The following SLC17A8 variants were observed in gnomAD, a reference collection of about 807,000 sequenced individuals.
The protein encoded by SLC17A8 is vesicular glutamate transporter 3.
In SLC17A8, 31 loss-of-function variants were observed where a neutral mutation model predicts 58.0. The ratio of observed to expected loss-of-function variants is 0.53; its 90% CI spans 0.40 to 0.72. The LOEUF (loss-of-function observed/expected upper bound fraction) is 0.72. SLC17A8 is among the 30% of genes least tolerant of loss of function. SLC17A8 has a pLI of 0.00. For missense variants in SLC17A8, 655 were observed against 727.8 expected, an observed-to-expected ratio of 0.90 and a Z score of 1.15; for synonymous variants, 228 against 249.0, an observed-to-expected ratio of 0.92 and a Z score of 0.79.
chr12:100,391,036 C>T lies in SLC17A8; in HGVS notation c.390C>T (p.Gly130=). The part of the protein sequence containing the change: ...AQFNWDPETV[G]LIHGSFFWGY... ...TTAACTGGGATCCAGAAACAGTGGGCCTTATCCATGGATCTTTTTTCTGGG... is the reference window on the plus strand; with the variant it reads ...TTAACTGGGATCCAGAAACAGTGGGTCTTATCCATGGATCTTTTTTCTGGG... Residue 130 remains glycine, a synonymous_variant, in exon 3 of 12, where the codon GGC becomes GGT. Coordinates refer to ENST00000323346, the MANE Select transcript of SLC17A8 (RefSeq NM_139319.3). 1 of 1,613,600 alleles carries T rather than the reference C, an allele frequency of 6.2e-7. No homozygotes were observed. The highest frequency in any genetic ancestry group is 8.5e-7 in the Non-Finnish European group (1 of 1,179,580).
At chr12:100,387,409 T>C (rs901509337) in intron 2 of SLC17A8, among the ~76,000 whole-genome samples, 1 of 152,220 alleles carries the variant, frequency 6.6e-6, no homozygotes, top group Non-Finnish European at 1.5e-5. Flanking sequence ...TTTGGAGAAA[T>C]GTCTATTCAA....
intron 5 of SLC17A8, among the ~76,000 whole-genome samples, chr12:100,400,998 C>CTTTTTTTT: frequency 8.8e-6 from 1 of 113,074 alleles, no homozygotes; most frequent in Non-Finnish European, 1.8e-5. Context: ...CACCCCTCAC[C>CTTTTTTTT]TTTTTTTTTT....
At chr12:100,415,728 C>G (rs35811428) in intron 10 of SLC17A8, among the ~76,000 whole-genome samples, 59,620 of 152,178 alleles carry the variant, frequency 0.39, 12,741 homozygotes, top group Non-Finnish European at 0.47. Flanking sequence ...CCACACCTGG[C>G]CTTCTTGCCA....
At chr12:100,392,263 C>T (rs1952722147) in intron 3 of SLC17A8, among the ~76,000 whole-genome samples, 1 of 151,412 alleles carries the variant, frequency 6.6e-6, no homozygotes, top group Non-Finnish European at 1.5e-5. Context: ...AATGATTTAC[C>T]AATGAGCATT....
At chr12:100,417,992 TC>T (rs1230050291) in intron 10 of SLC17A8, 36 bp from the exon 11 acceptor site, 8 of 1,613,906 alleles carry the variant, frequency 5.0e-6, no homozygotes, top group Non-Finnish European at 6.8e-6. Flanking sequence ...GAAATTCTGT[TC>T]TTGACTCTGA....
At chr12:100,370,824 A>C (rs1417585688) in intron 1 of SLC17A8, among the ~76,000 whole-genome samples, 1 of 151,940 alleles carries the variant, frequency 6.6e-6, no homozygotes, top group Non-Finnish European at 1.5e-5. Context: ...AAATGGGGGG[A>C]TAGGAAAGGG....
At chr12:100,357,972 T>C (rs962673835) in intron 1 of SLC17A8, among the ~76,000 whole-genome samples, 2 of 152,200 alleles carry the variant, frequency 1.3e-5, no homozygotes, top group African/African-American at 4.8e-5. Flanking sequence ...AAGAGAAGGA[T>C]AGTTACACAT....
At chr12:100,357,995 A>G (rs10860583) in intron 1 of SLC17A8, among the ~76,000 whole-genome samples, 35,580 of 152,130 alleles carry the variant, frequency 0.23, 4,737 homozygotes, top group African/African-American at 0.36. Context: ...ATTTGAAGGA[A>G]GTAACTTAAA....
rs60474852 is a variant in SLC17A8, at chr12:100,386,692, CT to C, written c.355-4295del. Reference sequence around the variant, plus strand: ...TCCATTGGTGTGTATACCACATTTCCTTTTTTTTTTTTTTGAGATGGGGTCT... The same window carrying C: ...TCCATTGGTGTGTATACCACATTTCCTTTTTTTTTTTTTGAGATGGGGTCT... On this transcript the variant is annotated intron_variant, in intron 2 of 11. Transcript: ENST00000323346. Among the ~76,000 whole-genome samples, 181 of 140,356 alleles carry C rather than the reference CT, an allele frequency of 1.3e-3. 1 individual carries two copies. Among genetic ancestry groups the C allele is most frequent in the Middle Eastern group, 3.8e-3 (1 of 260 alleles). The allele number at this position is 140,356 out of a possible 152,430, so 92.1% of individuals were successfully genotyped here. A position where few individuals can be genotyped will look rare whatever the true frequency, so the allele number is the denominator to read the frequency against.
At chr12:100,368,298 G>C (rs1042570986) in intron 1 of SLC17A8, among the ~76,000 whole-genome samples, 2 of 152,176 alleles carry the variant, frequency 1.3e-5, no homozygotes, top group African/African-American at 4.8e-5. Context: ...GCTTGTGGAT[G>C]CATTGCTCCA....
chr12:100,417,108 G>A (rs182969436), intron 10 of SLC17A8, among the ~76,000 whole-genome samples: 36 of 152,290 alleles, frequency 2.4e-4, no homozygotes, highest in Non-Finnish European at 4.6e-4. Flanking sequence ...GTTTTGCCAT[G>A]TTGGCCAGGC....
At chr12:100,382,317 A>G (rs1278801393) in intron 2 of SLC17A8, among the ~76,000 whole-genome samples, 2 of 152,264 alleles carry the variant, frequency 1.3e-5, no homozygotes, top group Admixed American at 1.3e-4. Flanking sequence ...AGAGGCCATC[A>G]TAGTTATAAG....
intron 1 of SLC17A8, among the ~76,000 whole-genome samples, chr12:100,363,729 G>A (rs998564658): frequency 9.2e-5 from 14 of 151,944 alleles, no homozygotes; most frequent in South Asian, 2.1e-4. Flanking sequence ...AGCTGATGTC[G>A]CAGCTGCATC....
At chr12:100,399,325 GCTGTGT>G (rs142489113) in intron 5 of SLC17A8, among the ~76,000 whole-genome samples, 2,571 of 152,244 alleles carry the variant, frequency 0.017, 79 homozygotes, top group African/African-American at 0.058. Flanking sequence ...TGCTCAAGGG[GCTGTGT>G]CTAATAGGAA....
chr12:100,410,504 A>C (rs1469190114), intron 9 of SLC17A8: 5 of 151,930 alleles, frequency 3.3e-5, no homozygotes, highest in African/African-American at 4.8e-5. Context: ...CAAAAAAAAA[A>C]AAAAAAGTTA....
intron 5 of SLC17A8, among the ~76,000 whole-genome samples, chr12:100,397,208 A>G (rs2136000631): frequency 6.6e-6 from 1 of 152,286 alleles, no homozygotes; most frequent in African/African-American, 2.4e-5. Flanking sequence ...ACAAAAGTGG[A>G]AAGATGGGAT....
rs1362819309 is a variant in SLC17A8, at chr12:100,421,868, C to T, written c.*1709C>T. ...TTAATGAGTGAATCCATGCAAGCCC[C>T]ATAAAACAGTTCCTAGCATGCAGAA... On this transcript the variant is annotated 3_prime_UTR_variant, in exon 12 of 12. Coordinates refer to ENST00000323346, the MANE Select transcript of SLC17A8 (RefSeq NM_139319.3). The T allele has an allele frequency of 6.6e-6, 1 of 151,890 alleles. No individual in the cohort carries two copies. The highest frequency in any genetic ancestry group is 2.4e-5 in the African/African-American group (1 of 41,344). The allele number at this position is 151,890 out of a possible 1,614,324, so 9.4% of individuals were successfully genotyped here.
chr12:100,399,351 G>C (rs1005603049), intron 5 of SLC17A8, among the ~76,000 whole-genome samples: 6 of 152,154 alleles, frequency 3.9e-5, no homozygotes, highest in Non-Finnish European at 8.8e-5. Flanking sequence ...ACTGACATTG[G>C]AGAATGTCTA....
At position 100,420,233 on chromosome 12, in the gene SLC17A8, C is replaced by G; in HGVS notation, c.*74C>G. On this transcript the variant is annotated 3_prime_UTR_variant, in exon 12 of 12. Transcript: ENST00000323346. The stretch of plus-strand genomic sequence containing the variant: ...TCCATACCTATTGCCTTTCTTGTAG[C>G]CCAGCTTGCCAGAGGTCCAAATATT... 1 of 1,243,600 alleles carries G rather than the reference C, an allele frequency of 8.0e-7. No individual in the cohort carries two copies. The highest frequency in any genetic ancestry group is 1.1e-6 in the Non-Finnish European group (1 of 874,024). 77.0% of individuals were successfully genotyped at this position (1,243,600 alleles called of 1,614,324 possible). A position where few individuals can be genotyped will look rare whatever the true frequency, so the allele number is the denominator to read the frequency against.
Sources: allele counts gnomAD v4.1 joint callset (sites outside exome capture counted in the v4.1 genomes callset), GRCh38; gene constraint gnomAD v4.1.1; transcripts MANE v1.5; gene names NCBI Gene and HGNC (gene_info 2026-07-23, HGNC 2026-07-21).